Variants in CAST observed in about 807,000 individuals in gnomAD.
CAST encodes MIR583 host.
In CAST, 76 loss-of-function variants were observed where a neutral mutation model predicts 119.6. The observed-to-expected ratio is 0.64, with a 90% CI of 0.53 to 0.77. CAST has a LOEUF of 0.77. Ranked by LOEUF, CAST falls within the 30% of genes least tolerant of loss-of-function variation. CAST has a pLI of 0.00. For missense variants in CAST, 953 were observed against 946.5 expected (o/e 1.01, Z -0.09); for synonymous variants, 319 against 331.6 (o/e 0.96, Z 0.41).
At chr5:96,453,296 G>A in the CAST span, among the ~76,000 whole-genome samples, 8 of 152,186 alleles carry the variant, frequency 5.3e-5, no homozygotes, top group African/African-American at 1.9e-4. Flanking sequence ...CTTAGGCAGA[G>A]TTACTAATGT....
chr5:96,231,781 C>CA, the CAST span, among the ~76,000 whole-genome samples: 3,598 of 149,082 alleles, frequency 0.024, 123 homozygotes, highest in African/African-American at 0.083. Context: ...CATAAAAAGG[C>CA]AAAAAAAAAG....
the CAST span, among the ~76,000 whole-genome samples, chr5:96,446,589 G>T: frequency 2.4e-4 from 37 of 152,186 alleles, no homozygotes; most frequent in Non-Finnish European, 5.1e-4. Flanking sequence ...AGCAGTCGGT[G>T]CTCAGCTTTT....
the CAST span, among the ~76,000 whole-genome samples, chr5:96,333,370 C>T: frequency 6.6e-6 from 1 of 152,114 alleles, no homozygotes; most frequent in Non-Finnish European, 1.5e-5. Flanking sequence ...AATGAGCAGC[C>T]TTTTCCTGTT....
the CAST span, among the ~76,000 whole-genome samples, chr5:96,138,613 T>A: frequency 6.6e-6 from 1 of 152,052 alleles, no homozygotes; most frequent in Non-Finnish European, 1.5e-5. Flanking sequence ...ACACAATATT[T>A]CTCCATTTAT....
chr5:96,013,367 C>CT, the CAST span, among the ~76,000 whole-genome samples: 1 of 151,646 alleles, frequency 6.6e-6, no homozygotes, highest in Admixed American at 6.6e-5. Flanking sequence ...GAATTCTTTG[C>CT]TTTTTTCATT....
chr5:96,366,164 C>A, the CAST span, among the ~76,000 whole-genome samples: 521 of 152,342 alleles, frequency 3.4e-3, 5 homozygotes, highest in African/African-American at 0.012. Context: ...CCCCCACCCT[C>A]TTCTGTCTTG....
At chr5:96,450,404 A>G in the CAST span, among the ~76,000 whole-genome samples, 9 of 152,228 alleles carry the variant, frequency 5.9e-5, no homozygotes, top group Non-Finnish European at 8.8e-5. Context: ...ACACAGACAT[A>G]CAGAATGAAA....
chr5:96,300,962 C>T, the CAST span, among the ~76,000 whole-genome samples: 2 of 149,440 alleles, frequency 1.3e-5, no homozygotes, highest in African/African-American at 4.9e-5. Flanking sequence ...TATCCTGCAA[C>T]TTTACTAAAC....
the CAST span, among the ~76,000 whole-genome samples, chr5:96,087,389 AT>A: frequency 2.0e-5 from 3 of 152,090 alleles, no homozygotes; most frequent in Non-Finnish European, 4.4e-5. Context: ...ATTTTTTTCC[AT>A]TTTTTTAAGA....
chr5:96,419,421 C>G, the CAST span, among the ~76,000 whole-genome samples: 2 of 148,320 alleles, frequency 1.3e-5, no homozygotes, highest in Non-Finnish European at 3.0e-5. Flanking sequence ...ATACCTCTCT[C>G]TCTCTCTCTC....
chr5:96,048,202 G>C, the CAST span, among the ~76,000 whole-genome samples: 1 of 152,146 alleles, frequency 6.6e-6, no homozygotes. Flanking sequence ...GGGTGGAGTG[G>C]TGATAGGATC....
upstream of CAST, among the ~76,000 whole-genome samples, chr5:96,661,866 A>ACG (rs1008332882): frequency 5.9e-5 from 9 of 151,600 alleles, no homozygotes; most frequent in African/African-American, 2.2e-4. Context: ...ACGCACGCAC[A>ACG]CACACACAGA....
intron 19 of CAST, among the ~76,000 whole-genome samples, chr5:96,750,075 C>T (rs542641535): frequency 6.6e-6 from 1 of 152,274 alleles, no homozygotes; most frequent in South Asian, 2.1e-4. Flanking sequence ...CTTATTACTA[C>T]TACCTTCCAT....
intron 2 of CAST, among the ~76,000 whole-genome samples, chr5:96,677,105 C>T (rs937538302): frequency 6.6e-6 from 1 of 151,796 alleles, no homozygotes; most frequent in South Asian, 2.1e-4. Flanking sequence ...TCAACCCTAC[C>T]CTTTAAATAT....
the CAST span, among the ~76,000 whole-genome samples, chr5:96,078,591 C>T: frequency 6.6e-6 from 1 of 152,094 alleles, no homozygotes; most frequent in Non-Finnish European, 1.5e-5. Context: ...GATGGGGTTT[C>T]ACCATCTTGA....
chr5:96,533,506 A>G (rs1250466983), intron 1 of CAST, among the ~76,000 whole-genome samples: 1 of 152,236 alleles, frequency 6.6e-6, no homozygotes, highest in African/African-American at 2.4e-5. Flanking sequence ...AAGACATAAT[A>G]TGCCTTTTTC....
chr5:96,232,066 A>G, the CAST span, among the ~76,000 whole-genome samples: 49 of 152,264 alleles, frequency 3.2e-4, 1 homozygote, highest in South Asian at 7.7e-3. Context: ...GAGATTCAAT[A>G]TAAATAACAA....
the CAST span, among the ~76,000 whole-genome samples, chr5:96,360,330 C>T: frequency 6.6e-6 from 1 of 152,064 alleles, no homozygotes; most frequent in Non-Finnish European, 1.5e-5. Flanking sequence ...CTGAAGCCTA[C>T]TTCTGTCAGT....
the CAST span, among the ~76,000 whole-genome samples, chr5:96,053,467 A>T: frequency 1.6e-4 from 25 of 152,306 alleles, no homozygotes; most frequent in East Asian, 4.8e-3. Flanking sequence ...AATTTCCATG[A>T]TAGACTTTGG....
Sources: gnomAD v4.1 joint callset for allele counts (sites outside exome capture counted in the v4.1 genomes callset) on GRCh38, gnomAD v4.1.1 for gene constraint, MANE v1.5 for transcripts, NCBI Gene and HGNC (gene_info 2026-07-23, HGNC 2026-07-21) for gene names.